The following CUX1 variants were observed in gnomAD, a reference collection of about 807,000 sequenced individuals.
The protein encoded by CUX1 is protein CASP.
CUX1 carries 31 observed loss-of-function variants against 158.8 expected under a neutral mutation model. The observed-to-expected ratio is 0.20, with a 90% CI of 0.15 to 0.26. The LOEUF is 0.26. CUX1 is among the 10% of genes least tolerant of loss of function. The pLI, the probability that CUX1 is intolerant of heterozygous loss-of-function variation, is 1.00. For synonymous variants in CUX1, 879 were observed against 862.1 expected, an observed-to-expected ratio of 1.02 and a Z score of -0.34; for missense variants, 1,589 against 2,014.6, an observed-to-expected ratio of 0.79 and a Z score of 4.04.
rs1054164494 is a variant in CUX1, at chr7:102,253,145, T to C, written c.*4103T>C. 27 of 985,412 alleles carry C rather than the reference T, an allele frequency of 2.7e-5. No homozygotes were observed. The highest frequency in any genetic ancestry group is 4.7e-5 in the South Asian group (1 of 21,292). 61.0% of individuals were successfully genotyped at this position (985,412 alleles called of 1,614,324 possible). On this transcript the variant is annotated 3_prime_UTR_variant, in exon 24 of 24. Transcript: ENST00000292535. ...TGTCGCCATCTTTGTTTTCTTCCCA[T>C]TGAAAAACCATCCTGTCTGATGTGG... is the stretch of plus-strand genomic sequence containing the variant.
intron 9 of CUX1, among the ~76,000 whole-genome samples, chr7:102,162,166 C>A (rs1790502294): frequency 6.6e-6 from 1 of 152,102 alleles, no homozygotes; most frequent in East Asian, 1.9e-4. Context: ...GGGTTCTGTC[C>A]TTGTAGTTCT....
At chr7:102,113,318 A>G (rs946686207) in intron 7 of CUX1, among the ~76,000 whole-genome samples, 2 of 152,054 alleles carry the variant, frequency 1.3e-5, no homozygotes, top group Admixed American at 1.3e-4. Flanking sequence ...GGCTCACTGC[A>G]ACCTCTGCTC....
intron 1 of CUX1, among the ~76,000 whole-genome samples, chr7:101,903,706 G>A (rs112974560): frequency 1.7e-4 from 26 of 152,258 alleles, no homozygotes; most frequent in African/African-American, 5.8e-4. Context: ...ATGCGTCTCC[G>A]AGACAGCGTC....
At chr7:101,999,432 G>A (rs964933992) in intron 2 of CUX1, among the ~76,000 whole-genome samples, 2 of 152,010 alleles carry the variant, frequency 1.3e-5, no homozygotes, top group African/African-American at 2.4e-5. Flanking sequence ...CTTTGAACTT[G>A]ATTGACCATG....
Position 102,234,188 on chromosome 7 carries a change from C to G in CUX1, c.3570C>G (p.Asn1190Lys), listed in dbSNP as rs117295733. The G allele has an allele frequency of 3.8e-6, 6 of 1,594,820 alleles. No homozygotes were observed. Among genetic ancestry groups the G allele is most frequent in the Non-Finnish European group, 5.1e-6 (6 of 1,171,812 alleles). ...EPFVRMQLWLNDPNNVEKLMD... is the reference protein window; with the variant it reads ...EPFVRMQLWLKDPNNVEKLMD... ...TCGTCCGGATGCAGCTGTGGCTGAA[C>G]GACCCCAACAATGTGGAGAAGCTGA... Residue 1190 changes from asparagine to lysine, a missense_variant, in exon 22 of 24, where the codon AAC (asparagine) becomes AAG (lysine). Asn to Lys is a moderately conservative substitution (Grantham distance 94, BLOSUM62 0). This residue lies in a region of CUX1 where 259 missense variants were observed against 373.8 expected (regional missense o/e 0.69). Transcript: ENST00000292535.
At chr7:102,166,476 G>A (rs533484095) in intron 9 of CUX1, among the ~76,000 whole-genome samples, 22 of 152,170 alleles carry the variant, frequency 1.4e-4, no homozygotes, top group South Asian at 6.2e-4. Flanking sequence ...GGCCGCCACC[G>A]CTAGATCTGG....
At chr7:102,065,673 C>T (rs1385526207) in intron 3 of CUX1, among the ~76,000 whole-genome samples, 2 of 152,138 alleles carry the variant, frequency 1.3e-5, no homozygotes, top group African/African-American at 2.4e-5. Flanking sequence ...GAAGAGGGCA[C>T]GGGGAGAGGA....
At chr7:102,216,133 A>G (rs1306075470) in intron 20 of CUX1, among the ~76,000 whole-genome samples, 1 of 152,158 alleles carries the variant, frequency 6.6e-6, no homozygotes, top group African/African-American at 2.4e-5. Flanking sequence ...GGGAAACCCC[A>G]TCTCTACAAA....
intron 5 of CUX1, among the ~76,000 whole-genome samples, chr7:102,099,608 G>C (rs1829576767): frequency 6.6e-6 from 1 of 151,870 alleles, no homozygotes; most frequent in Non-Finnish European, 1.5e-5. Flanking sequence ...ACCCAGGCTG[G>C]AGTGCAGTTG....
At chr7:102,211,556 G>A (rs1796528475) in intron 20 of CUX1, among the ~76,000 whole-genome samples, 2 of 152,034 alleles carry the variant, frequency 1.3e-5, no homozygotes, top group African/African-American at 4.8e-5. Context: ...CGAGGCAGGT[G>A]CATCACCTGA....
In CUX1 at chr7:102,186,256, C is replaced by G. The variant is rs143176917; in HGVS notation, c.1018-3557C>G. On this transcript the variant is annotated intron_variant, in intron 11 of 23. Coordinates refer to ENST00000292535, the MANE Select transcript of CUX1 (RefSeq NM_181552.4). ...AGCAGGGTCACTAGAATGGAGACAT[C>G]CATGGGACCAGGTTACAGGCGCTCC... Among the ~76,000 whole-genome samples the G allele has an allele frequency of 1.0e-3, 154 of 152,276 alleles. 1 individual carries two copies. Among genetic ancestry groups the G allele is most frequent in the African/African-American group, 3.6e-3 (149 of 41,536 alleles).
chr7:101,949,830 C>T (rs546622349), intron 2 of CUX1, among the ~76,000 whole-genome samples: 3 of 151,682 alleles, frequency 2.0e-5, no homozygotes, highest in Admixed American at 1.3e-4. Flanking sequence ...CCACGCCTAG[C>T]GAGTGCTTGC....
At chr7:101,918,987 C>T (rs987298055) in intron 2 of CUX1, among the ~76,000 whole-genome samples, 8 of 152,216 alleles carry the variant, frequency 5.3e-5, no homozygotes, top group Non-Finnish European at 8.8e-5. Flanking sequence ...CTATGTTGGC[C>T]AGGCTGGTCT....
chr7:102,008,291 CTTG>C (rs1817614939), intron 2 of CUX1, among the ~76,000 whole-genome samples: 1 of 152,078 alleles, frequency 6.6e-6, no homozygotes, highest in Admixed American at 6.6e-5. Context: ...TCAGCTTCAC[CTTG>C]TTTGTATCTC....
At chr7:101,892,560 T>G (rs1313560950) in intron 1 of CUX1, among the ~76,000 whole-genome samples, 1 of 152,218 alleles carries the variant, frequency 6.6e-6, no homozygotes, top group African/African-American at 2.4e-5. Context: ...AGAGTCTGCG[T>G]GGATTTTTAT....
intron 4 of CUX1, among the ~76,000 whole-genome samples, chr7:102,094,208 C>A (rs1013643964): frequency 1.2e-4 from 19 of 152,176 alleles, no homozygotes; most frequent in African/African-American, 4.6e-4. Flanking sequence ...TTTAGCAATG[C>A]CTCTTACATA....
intron 1 of CUX1, among the ~76,000 whole-genome samples, chr7:101,870,170 T>TA (rs1306048025): frequency 4.2e-5 from 6 of 142,328 alleles, no homozygotes; most frequent in African/African-American, 1.6e-4. Context: ...TTTTTTTTTT[T>TA]AAAGACAGCA....
chr7:101,913,700 G>T (rs926497219), intron 1 of CUX1, among the ~76,000 whole-genome samples: 4 of 152,114 alleles, frequency 2.6e-5, no homozygotes, highest in Non-Finnish European at 4.4e-5. Flanking sequence ...CACCGATTGG[G>T]TAACCGCCCC....
At chr7:102,062,458 C>T (rs747303805) in intron 3 of CUX1, among the ~76,000 whole-genome samples, 8 of 152,186 alleles carry the variant, frequency 5.3e-5, no homozygotes, top group Non-Finnish European at 1.2e-4. Flanking sequence ...TTTATACTAT[C>T]ATAAGCGGAT....
Sources: gnomAD v4.1 joint callset for allele counts (sites outside exome capture counted in the v4.1 genomes callset) on GRCh38, gnomAD v4.1.1 for gene constraint, gnomAD v4.1.1 regional missense constraint, MANE v1.5 for transcripts, NCBI Gene and HGNC (gene_info 2026-07-23, HGNC 2026-07-21) for gene names.